Variants in COL6A3 observed in about 807,000 individuals in gnomAD.
COL6A3 encodes collagen type VI alpha 3 chain.
Under a neutral mutation model 274.1 loss-of-function variants are expected in COL6A3, and 137 were observed. The observed-to-expected ratio is 0.50, with a 90% confidence interval of 0.44 to 0.58. The LOEUF (loss-of-function observed/expected upper bound fraction) is 0.58, where lower values mean the gene tolerates loss of function less well. COL6A3 is among the 20% of genes least tolerant of loss of function. The pLI, the probability that COL6A3 is intolerant of heterozygous loss-of-function variation, is 0.00. For synonymous variants in COL6A3, 1,650 were observed against 1,650.6 expected (o/e 1.00, Z 0.01); for missense variants, 3,950 against 4,124.9 (o/e 0.96, Z 1.16).
chr2:237,340,029 G>A (rs1358278095), intron 38 of COL6A3, among the ~76,000 whole-genome samples: 2 of 152,320 alleles, frequency 1.3e-5, no homozygotes, highest in East Asian at 3.9e-4. Flanking sequence ...CACGGGGCTG[G>A]TGGCTAAGCC....
At chr2:237,410,376 G>A (rs559537774) in intron 1 of COL6A3, among the ~76,000 whole-genome samples, 1 of 151,278 alleles carries the variant, frequency 6.6e-6, no homozygotes, top group African/African-American at 2.4e-5. Flanking sequence ...CATAGTCACG[G>A]CTCACTGCAG....
intron 23 of COL6A3, 31 bp from the exon 24 acceptor site, chr2:237,354,965 G>C (rs756055925): frequency 6.2e-6 from 10 of 1,609,146 alleles, no homozygotes; most frequent in Non-Finnish European, 8.5e-6. Flanking sequence ...CAAACTGTGA[G>C]GGGGAGCATG....
At chr2:237,362,208 G>A (rs1004650613) in intron 14 of COL6A3, among the ~76,000 whole-genome samples, 24 of 152,178 alleles carry the variant, frequency 1.6e-4, no homozygotes, top group African/African-American at 5.8e-4. Context: ...ATGGCAGATG[G>A]CCAAGACTGA....
chr2:237,412,458 C>T (rs2078880448), intron 1 of COL6A3, among the ~76,000 whole-genome samples: 1 of 152,228 alleles, frequency 6.6e-6, no homozygotes, highest in African/African-American at 2.4e-5. Flanking sequence ...TCACTGCCAT[C>T]TCAGGCACTC....
In COL6A3 at chr2:237,374,509, C is replaced by T. The variant is rs2077779012; in HGVS notation, c.3582G>A (p.Leu1194=). The change falls in exon 8 of 44, where the codon CTG becomes CTA. Residue 1194 remains leucine (L), a synonymous_variant. Coordinates refer to ENST00000295550, the MANE Select transcript of COL6A3 (RefSeq NM_004369.4). This position sits in a 1 kb window ranked among gnomAD's most constrained non-coding sequence, Gnocchi z 4.8. ...FAVAIPTFRQ[L]GTVQQVISER... is the part of the protein sequence containing the mutation. Reference sequence around the variant, plus strand: ...CAGAGATGACCTGTTGGACGGTCCCCAGCTGGCGAAAGGTGGGAATGGCCA... The same window carrying T: ...CAGAGATGACCTGTTGGACGGTCCCTAGCTGGCGAAAGGTGGGAATGGCCA... The T allele has an allele frequency of 6.2e-7, 1 of 1,614,172 alleles. No homozygotes were observed. Among genetic ancestry groups the T allele is most frequent in the Non-Finnish European group, 8.5e-7 (1 of 1,180,028 alleles).
rs1239336478 is a variant in COL6A3 at position 237,371,100 on chromosome 2, A to G, written c.4285+632T>C. 1.3e-5 allele frequency among the ~76,000 whole-genome samples: 2 copies of G among 152,092 alleles called. No individual in the cohort carries two copies. Among genetic ancestry groups the G allele is most frequent in the Non-Finnish European group, 2.9e-5 (2 of 68,012 alleles). On this transcript the variant is annotated intron_variant, in intron 9 of 43. Transcript: ENST00000295550. The surrounding 1 kb of genome is among the most constrained non-coding windows in gnomAD (Gnocchi z 4.3). ...CACCTCCACGTCTTGACAACATCCA[A>G]TCCAGGCCACAGTTCCATTTCTTTA...
chr2:237,345,197 C>T lies in COL6A3; in HGVS notation c.7109G>A (p.Arg2370Lys), dbSNP rs1458735979. The change falls in exon 33 of 44, where the codon AGG becomes AAG. Residue 2370 changes from arginine to lysine, a missense_variant. Coordinates refer to ENST00000295550, the MANE Select transcript of COL6A3 (RefSeq NM_004369.4). ...GCAACTTACATCGATGGAGTCGCCC[C>T]TGTTGCCCTTGGGACCCTGTAAAAC... The part of the protein sequence containing the change: ...YPGPAGPKGN[R>K]GDSIDQCALI... 1 of 1,614,156 alleles carries T rather than the reference C, an allele frequency of 6.2e-7. No individual in the cohort carries two copies. The highest frequency in any genetic ancestry group is 8.5e-7 in the Non-Finnish European group (1 of 1,180,024).
chr2:237,325,351 C>T (rs1442520092), intron 43 of COL6A3, among the ~76,000 whole-genome samples: 3 of 152,102 alleles, frequency 2.0e-5, no homozygotes, highest in Non-Finnish European at 2.9e-5. Flanking sequence ...TGAAGAATGA[C>T]AAGGGACAAT....
chr2:237,341,170 C>A lies in COL6A3; in HGVS notation c.7766-20G>T. ...AGATGTCTAGAAAGAAGCATGGCAGCCTATTTGTTCTGTGACACCCACAGC... is the reference window on the plus strand; with the variant it reads ...AGATGTCTAGAAAGAAGCATGGCAGACTATTTGTTCTGTGACACCCACAGC... On this transcript the variant is annotated intron_variant, in intron 37 of 43. Transcript: ENST00000295550. The A allele has an allele frequency of 6.2e-7, 1 of 1,609,816 alleles. No individual in the cohort carries two copies. Among genetic ancestry groups the A allele is most frequent in the Middle Eastern group, 1.7e-4 (1 of 6,014 alleles).
In COL6A3 at chr2:237,404,909, A is replaced by C. The variant is rs191408468; in HGVS notation, c.-30-8062T>G. On this transcript the variant is annotated intron_variant, in intron 1 of 43. Coordinates refer to ENST00000295550, the MANE Select transcript of COL6A3 (RefSeq NM_004369.4). ...ATGAACTTTTAGTTCATTGAAAATC[A>C]TATGTAAAGATTTTTATTTTCAAGA... 2.1e-3 allele frequency among the ~76,000 whole-genome samples: 322 copies of C among 152,322 alleles called. 2 individuals are homozygous for C. The highest frequency in any genetic ancestry group is 7.4e-3 in the African/African-American group (307 of 41,584).
chr2:237,376,723 A>G (rs1229268650), intron 7 of COL6A3, 49 bp downstream of exon 7: 4 of 1,585,880 alleles, frequency 2.5e-6, no homozygotes, highest in Non-Finnish European at 3.5e-6. Context: ...CCCTCAACTC[A>G]TGCATTAGAG....
chr2:237,398,607 C>A (rs371460969), intron 1 of COL6A3, among the ~76,000 whole-genome samples: 1 of 152,202 alleles, frequency 6.6e-6, no homozygotes, highest in African/African-American at 2.4e-5. Flanking sequence ...AGACCACAGA[C>A]GGGGCTGCCC....
At position 237,387,644 on chromosome 2, in the gene COL6A3, G is replaced by T; in HGVS notation, c.1250C>A (p.Pro417Gln). 6.2e-7 allele frequency: 1 copy of T among 1,613,736 alleles called. No individual in the cohort carries two copies. The highest frequency in any genetic ancestry group is 8.5e-7 in the Non-Finnish European group (1 of 1,179,854). Residue 417 changes from proline (P) to glutamine (Q), a missense_variant, in exon 4 of 44, where the codon CCG becomes CAG. Transcript: ENST00000295550. ...SFGDLQEKLLPYIVGVAQRHI... is the reference protein window; with the variant it reads ...SFGDLQEKLLQYIVGVAQRHI... ...CCTTTGGGCCACGCCAACAATGTAC[G>T]GCAGTAATTTCTCCTGGAGGTCCCC...
rs531225278 is a variant in COL6A3, at chr2:237,412,435, A to G, written c.-31+1518T>C. On this transcript the variant is annotated intron_variant, in intron 1 of 43. Transcript: ENST00000295550. ...TCACTGGCTTGTCTGCTCTCCTTCAATGGGGAAGGATTTCACTGCCATCTC... is the reference window on the plus strand; with the variant it reads ...TCACTGGCTTGTCTGCTCTCCTTCAGTGGGGAAGGATTTCACTGCCATCTC... Among the ~76,000 whole-genome samples, 63 of 152,270 alleles carry G rather than the reference A, an allele frequency of 4.1e-4. 1 individual carries two copies. Among genetic ancestry groups the G allele is most frequent in the African/African-American group, 1.3e-3 (52 of 41,556 alleles).
rs2078901376 is a variant in COL6A3, at chr2:237,413,276, T to C, written c.-31+677A>G. Reference sequence around the variant, plus strand: ...CCAAATGCCCAATTCCTTCTTCTCCTCTGACCCCTGCAACTCCTTTAAGCA... The same window carrying C: ...CCAAATGCCCAATTCCTTCTTCTCCCCTGACCCCTGCAACTCCTTTAAGCA... On this transcript the variant is annotated intron_variant, in intron 1 of 43. Coordinates refer to ENST00000295550, the MANE Select transcript of COL6A3 (RefSeq NM_004369.4). This position sits in a 1 kb window ranked among gnomAD's most constrained non-coding sequence, Gnocchi z 4.0. Among the ~76,000 whole-genome samples the C allele has an allele frequency of 6.6e-6, 1 of 152,330 alleles. No individual in the cohort carries two copies. The highest frequency in any genetic ancestry group is 6.5e-5 in the Admixed American group (1 of 15,310).
rs1378898339 is a variant in COL6A3, at chr2:237,324,726, G to T, written c.*48C>A. The T allele has an allele frequency of 1.1e-5, 18 of 1,593,942 alleles. No individual in the cohort carries two copies. The highest frequency in any genetic ancestry group is 1.5e-5 in the Non-Finnish European group (18 of 1,162,116). ...GCTTCTACAGAGACAAGTTGGCGAT[G>T]GCTGACTCCTTCTTCTTCAAGAGGT... On this transcript the variant is annotated 3_prime_UTR_variant, in exon 44 of 44. Transcript: ENST00000295550.
intron 14 of COL6A3, 50 bp downstream of exon 14, chr2:237,363,203 A>T: frequency 1.3e-6 from 2 of 1,597,048 alleles, no homozygotes; most frequent in Admixed American, 1.7e-5. Context: ...AAATGCCAAA[A>T]GGTGTGGTAT....
intron 3 of COL6A3, among the ~76,000 whole-genome samples, chr2:237,391,807 G>A (rs1288918186): frequency 6.6e-6 from 1 of 152,208 alleles, no homozygotes; most frequent in African/African-American, 2.4e-5. Flanking sequence ...TTATAGGCGT[G>A]AGCCCCTTTC....
At chr2:237,348,280 C>T in intron 30 of COL6A3, 69 bp downstream of exon 30, 1 of 1,297,320 alleles carries the variant, frequency 7.7e-7, no homozygotes, top group South Asian at 1.2e-5. Flanking sequence ...TATTCTGATT[C>T]TCAGTCCATG....
Sources: gnomAD v4.1 joint callset for allele counts (sites outside exome capture counted in the v4.1 genomes callset) on GRCh38, gnomAD v4.1.1 for gene constraint, Gnocchi (gnomAD v3.1) non-coding constraint, MANE v1.5 for transcripts, NCBI Gene and HGNC (gene_info 2026-07-23, HGNC 2026-07-21) for gene names.